Variants in FCGR2B observed in about 807,000 individuals in gnomAD.
The protein encoded by FCGR2B is Fc gamma receptor IIb.
A neutral mutation model predicts 24.8 loss-of-function variants in FCGR2B; 18 were observed. The observed-to-expected ratio is 0.73, with a 90% CI of 0.50 to 1.08. FCGR2B has a LOEUF of 1.08. Among genes scored for constraint, FCGR2B ranks in the 50% least tolerant of loss-of-function variants. The pLI is 0.00. For missense variants in FCGR2B, 215 were observed against 297.6 expected (o/e 0.72, Z 2.04); for synonymous variants, 79 against 109.8 (o/e 0.72, Z 1.75).
rs1320409904 is a variant in FCGR2B at position 161,673,242 on chromosome 1, T to C, written c.646+13T>C. On this transcript the variant is annotated intron_variant, in intron 4 of 7. Transcript: ENST00000358671. ...ATCACTGTCCAAGGTATGCGGAGTCTGCCAAGATGTAAGGAGGGGAGAAGA... is the reference window on the plus strand; with the variant it reads ...ATCACTGTCCAAGGTATGCGGAGTCCGCCAAGATGTAAGGAGGGGAGAAGA... 11 of 1,573,296 alleles carry C rather than the reference T, an allele frequency of 7.0e-6. No individual in the cohort carries two copies. Among genetic ancestry groups the C allele is most frequent in the Non-Finnish European group, 7.8e-6 (9 of 1,158,754 alleles).
the FCGR2B span, among the ~76,000 whole-genome samples, chr1:161,652,045 A>AGTGT: frequency 0.096 from 10,010 of 104,548 alleles, 1,038 homozygotes; most frequent in East Asian, 0.17. Context: ...TATGTTTAGG[A>AGTGT]GTGTGTGTGT....
Position 161,671,960 on chromosome 1 carries a change from A to G in FCGR2B, c.391+311A>G, listed in dbSNP as rs1681702790. The G allele has an allele frequency of 8.3e-6, 4 of 479,986 alleles. No individual in the cohort carries two copies. In the Admixed American group the frequency reaches 1.4e-4, roughly 16 times the overall value. 29.7% of individuals were successfully genotyped at this position (479,986 alleles called of 1,614,324 possible). A position where few individuals can be genotyped will look rare whatever the true frequency, so the allele number is the denominator to read the frequency against. On this transcript the variant is annotated intron_variant, in intron 3 of 7. Transcript: ENST00000358671. Reference sequence around the variant, plus strand: ...TGAATCCTAGCCCTGGAAATGACTCACTATACAACATGATGAATTCATTTA... The same window carrying G: ...TGAATCCTAGCCCTGGAAATGACTCGCTATACAACATGATGAATTCATTTA...
Position 161,671,433 on chromosome 1 carries a change from A to T in FCGR2B, c.175A>T (p.Ile59Phe). 6.2e-7 allele frequency: 1 copy of T among 1,614,136 alleles called. No individual in the cohort carries two copies. Reference sequence around the variant, plus strand: ...TGTGCTGAAACTCGAGCCCCAGTGGATCAACGTGCTCCAGGAGGACTCTGT... The same window carrying T: ...TGTGCTGAAACTCGAGCCCCAGTGGTTCAACGTGCTCCAGGAGGACTCTGT... ...KAVLKLEPQW[I>F]NVLQEDSVTL... is the part of the protein sequence containing the mutation. The change falls in exon 3 of 8, where the codon ATC becomes TTC. Residue 59 changes from isoleucine (I) to phenylalanine (F), a missense_variant. Ile to Phe is a conservative substitution (Grantham distance 21, BLOSUM62 0). Around this residue, in one of 5 missense-constraint regions of FCGR2B, gnomAD observed 77 missense variants for 68.8 expected, o/e 1.12. Transcript: ENST00000358671.
Position 161,672,956 on chromosome 1 carries a change from G to T in FCGR2B, c.392-19G>T. ...AGCCAAGACCTCCCGGGTCCTCTGC[G>T]GTTTTTTGTGTCTTTCAGAGTGGCT... is the stretch of plus-strand genomic sequence containing the variant. On this transcript the variant is annotated intron_variant, in intron 3 of 7. Coordinates refer to ENST00000358671, the MANE Select transcript of FCGR2B (RefSeq NM_001394477.1). 6.2e-7 allele frequency: 1 copy of T among 1,613,664 alleles called. No individual in the cohort carries two copies. Among genetic ancestry groups the T allele is most frequent in the Non-Finnish European group, 8.5e-7 (1 of 1,179,782 alleles).
Position 161,674,333 on chromosome 1 carries a change from A to T in FCGR2B, c.760+260A>T, listed in dbSNP as rs1681938941. ...TCCCTGCCCTTGGGGAGTTCTCAGC[A>T]TTGTGAGGAAGACAGGGTCATTATA... On this transcript the variant is annotated intron_variant, in intron 5 of 7. Coordinates refer to ENST00000358671, the MANE Select transcript of FCGR2B (RefSeq NM_001394477.1). 50 of 314,070 alleles carry T rather than the reference A, an allele frequency of 1.6e-4. 1 individual carries two copies. Among genetic ancestry groups the T allele is most frequent in the South Asian group, 1.3e-3 (49 of 37,406 alleles). The allele number at this position is 314,070 out of a possible 1,614,324, so 19.5% of individuals were successfully genotyped here.
Position 161,677,456 on chromosome 1 carries a change from C to T in FCGR2B, c.856-20C>T, listed in dbSNP as rs1446232960. ...AGGCCCTCTCTGTGGATCCTTACTG[C>T]TGGTTTCTGCCTTCTCTAGGCTGAG... On this transcript the variant is annotated intron_variant, in intron 7 of 7. Transcript: ENST00000358671. 11 of 1,612,534 alleles carry T rather than the reference C, an allele frequency of 6.8e-6. No homozygotes were observed. Among genetic ancestry groups the T allele is most frequent in the Non-Finnish European group, 9.3e-6 (11 of 1,178,696 alleles).
intron 2 of FCGR2B, 62 bp from the exon 3 acceptor site, chr1:161,671,330 C>T: frequency 6.2e-7 from 1 of 1,612,896 alleles, no homozygotes; most frequent in Admixed American, 1.7e-5. Flanking sequence ...GTCTGAGATT[C>T]AGGGCCTCTC....
intron 6 of FCGR2B, chr1:161,676,404 C>T (rs1476353150): frequency 1.1e-5 from 2 of 183,874 alleles, no homozygotes; most frequent in South Asian, 2.0e-4. Context: ...AAACAAAGTC[C>T]AAGCAACTGG....
rs1366580708 is a variant in FCGR2B, at chr1:161,671,652, C to T, written c.391+3C>T. 1 of 1,613,172 alleles carries T rather than the reference C, an allele frequency of 6.2e-7. No individual in the cohort carries two copies. The highest frequency in any genetic ancestry group is 8.5e-7 in the Non-Finnish European group (1 of 1,179,286). On this transcript the variant is annotated splice_donor_region_variant and intron_variant, in intron 3 of 7. Coordinates refer to ENST00000358671, the MANE Select transcript of FCGR2B (RefSeq NM_001394477.1). ...TGTGCATCTGACTGTGCTTTCTGGT[C>T]AGTGGAGGAAGGCCCCAGGGTGGAC...
chr1:161,647,942 C>G, the FCGR2B span, among the ~76,000 whole-genome samples: 5,587 of 150,860 alleles, frequency 0.037, 587 homozygotes, highest in African/African-American at 0.13. Flanking sequence ...GACGACCCTT[C>G]GTCTTGTGAA....
At chr1:161,651,780 A>T in the FCGR2B span, among the ~76,000 whole-genome samples, 1 of 121,056 alleles carries the variant, frequency 8.3e-6, no homozygotes, top group Non-Finnish European at 1.9e-5. Flanking sequence ...CTAAAAACAC[A>T]AAATTAGCCA....
chr1:161,672,346 C>G (rs1681736171), intron 3 of FCGR2B: 1 of 160,184 alleles, frequency 6.2e-6, no homozygotes, highest in African/African-American at 2.4e-5. Flanking sequence ...TCACTTAGTC[C>G]CCTCCCTTCA....
At chr1:161,676,034 T>C (rs1203234562) in intron 6 of FCGR2B, 1 of 231,788 alleles carries the variant, frequency 4.3e-6, no homozygotes, top group Non-Finnish European at 8.5e-6. Context: ...TCTCAGGTCT[T>C]CTAGATTTGA....
intron 1 of FCGR2B, among the ~76,000 whole-genome samples, chr1:161,669,574 C>CAAAATAAAATAAAAT (rs3039548): frequency 0.012 from 1,525 of 122,788 alleles, 55 homozygotes; most frequent in East Asian, 0.036. Context: ...TGTCCCCCCA[C>CAAAATAAAATAAAAT]AAAATAAAAT....
At chr1:161,648,098 G>A in the FCGR2B span, among the ~76,000 whole-genome samples, 9 of 150,440 alleles carry the variant, frequency 6.0e-5, no homozygotes, top group Admixed American at 2.0e-4. Context: ...GCTTGGGGAA[G>A]TTAAGAATAG....
chr1:161,653,188 G>T, the FCGR2B span, among the ~76,000 whole-genome samples: 436 of 124,912 alleles, frequency 3.5e-3, 2 homozygotes, highest in East Asian at 0.049. Context: ...TGGATCACCT[G>T]AGGTCAGAAG....
At chr1:161,669,610 A>G (rs993339318) in intron 1 of FCGR2B, among the ~76,000 whole-genome samples, 1 of 140,180 alleles carries the variant, frequency 7.1e-6, no homozygotes, top group African/African-American at 2.6e-5. Context: ...AAAATAAAAT[A>G]AAATAAAATA....
intron 3 of FCGR2B, chr1:161,671,892 C>T (rs866579756): frequency 1.4e-6 from 1 of 707,222 alleles, no homozygotes; most frequent in Non-Finnish European, 2.3e-6. Flanking sequence ...GCATAAAACC[C>T]ATTTCCATTT....
chr1:161,671,274 C>G, intron 2 of FCGR2B, 118 bp from the exon 3 acceptor site: 2 of 1,530,450 alleles, frequency 1.3e-6, no homozygotes, highest in African/African-American at 2.8e-5. Flanking sequence ...CATTCTGGGC[C>G]TGGCTCGGCT....
Sources: gnomAD v4.1 joint callset for allele counts (sites outside exome capture counted in the v4.1 genomes callset) on GRCh38, gnomAD v4.1.1 for gene constraint, gnomAD v4.1.1 regional missense constraint, MANE v1.5 for transcripts, NCBI Gene and HGNC (gene_info 2026-07-23, HGNC 2026-07-21) for gene names.